The following GRM8 variants were observed in gnomAD, a reference collection of about 807,000 sequenced individuals.
GRM8 encodes metabotropic glutamate receptor 8.
Under a neutral mutation model 87.2 loss-of-function variants are expected in GRM8, and 47 were observed. The observed-to-expected ratio is 0.54, with a 90% CI of 0.43 to 0.69. The LOEUF (loss-of-function observed/expected upper bound fraction) is 0.69, where lower values mean the gene tolerates loss of function less well. Among genes scored for constraint, GRM8 ranks in the 30% least tolerant of loss-of-function variants. The pLI is 0.00. For missense variants in GRM8, 1,019 were observed against 1,139.2 expected, an observed-to-expected ratio of 0.89 and a Z score of 1.52; for synonymous variants, 396 against 404.5, an observed-to-expected ratio of 0.98 and a Z score of 0.25.
intron 9 of GRM8, among the ~76,000 whole-genome samples, chr7:126,472,632 A>C (rs1805412377): frequency 6.6e-6 from 1 of 152,232 alleles, no homozygotes; most frequent in African/African-American, 2.4e-5. Flanking sequence ...AATTCAAGCC[A>C]GCTGCAGAAG....
At chr7:126,913,117 C>A (rs774953776) in intron 3 of GRM8, among the ~76,000 whole-genome samples, 6 of 152,148 alleles carry the variant, frequency 3.9e-5, no homozygotes, top group Non-Finnish European at 7.3e-5. Flanking sequence ...GAAACAATGT[C>A]ACAGCACCAA....
chr7:127,106,715 G>A lies in GRM8; in HGVS notation c.511-3C>T. 6.3e-7 allele frequency: 1 copy of A among 1,594,076 alleles called. No homozygotes were observed. The highest frequency in any genetic ancestry group is 1.1e-5 in the South Asian group (1 of 90,680). ...GATGCATAGCTGATTTGAGGTATCT[G>A]CAAAACAAATGATGGGTCATTTCAA... On this transcript the variant is annotated splice_polypyrimidine_tract_variant and splice_region_variant and intron_variant, in intron 2 of 10. Coordinates refer to ENST00000339582, the MANE Select transcript of GRM8 (RefSeq NM_000845.3).
intron 9 of GRM8, among the ~76,000 whole-genome samples, chr7:126,513,929 G>A (rs922223317): frequency 1.3e-5 from 2 of 151,240 alleles, no homozygotes; most frequent in Non-Finnish European, 3.0e-5. Context: ...TTTTATCGGA[G>A]TTCTTTTTAG....
At chr7:127,018,414 C>CT (rs113155218) in intron 3 of GRM8, among the ~76,000 whole-genome samples, 15,574 of 133,134 alleles carry the variant, frequency 0.12, 1,085 homozygotes, top group East Asian at 0.24. Flanking sequence ...CTTAAAGTGG[C>CT]TTTTTTTTTT....
At chr7:126,983,902 C>T (rs1338510016) in intron 3 of GRM8, among the ~76,000 whole-genome samples, 1 of 152,172 alleles carries the variant, frequency 6.6e-6, no homozygotes, top group Non-Finnish European at 1.5e-5. Context: ...GTCATCAATA[C>T]CAGCTATGAC....
At chr7:126,733,455 T>C (rs6953879) in intron 7 of GRM8, among the ~76,000 whole-genome samples, 131,375 of 149,806 alleles carry the variant, frequency 0.88, 57,956 homozygotes, top group African/African-American at 0.97. Context: ...GTGGCTTGCT[T>C]GGAAAAAAAA....
At position 127,026,419 on chromosome 7, in the gene GRM8, G is replaced by A. The variant is rs193262519; in HGVS notation, c.727+80077C>T. Among the ~76,000 whole-genome samples, 1,008 of 152,152 alleles carry A rather than the reference G, an allele frequency of 6.6e-3. 5 individuals are homozygous for A. The highest frequency in any genetic ancestry group is 0.011 in the Non-Finnish European group (748 of 67,988). On this transcript the variant is annotated intron_variant, in intron 3 of 10. Transcript: ENST00000339582. ...TCTAGTTCTAGATCCCTGAGGAATCGCCACACTGTCTTCCACAATGGTTGA... is the reference window on the plus strand; with the variant it reads ...TCTAGTTCTAGATCCCTGAGGAATCACCACACTGTCTTCCACAATGGTTGA...
chr7:126,964,930 C>T (rs1204581), intron 3 of GRM8, among the ~76,000 whole-genome samples: 64,296 of 151,976 alleles, frequency 0.42, 13,856 homozygotes, highest in East Asian at 0.66. Flanking sequence ...CAATGATAAA[C>T]TGGATTAAGA....
chr7:126,658,832 A>T (rs537979957), intron 7 of GRM8, among the ~76,000 whole-genome samples: 199 of 152,094 alleles, frequency 1.3e-3, no homozygotes, highest in Middle Eastern at 3.4e-3. Context: ...TGACAGATGA[A>T]AAAACGTACA....
At chr7:126,553,202 T>C (rs1171197335) in intron 8 of GRM8, among the ~76,000 whole-genome samples, 1 of 152,174 alleles carries the variant, frequency 6.6e-6, no homozygotes, top group Admixed American at 6.5e-5. Context: ...GATTCTATTT[T>C]CTATTTCCCA....
intron 7 of GRM8, among the ~76,000 whole-genome samples, chr7:126,680,113 G>A (rs770117652): frequency 5.9e-5 from 9 of 151,924 alleles, no homozygotes; most frequent in South Asian, 2.1e-4. Context: ...AGTGAGATGC[G>A]CAAATGGAAC....
At chr7:127,181,187 C>G (rs1587215383) in intron 2 of GRM8, among the ~76,000 whole-genome samples, 1 of 151,974 alleles carries the variant, frequency 6.6e-6, no homozygotes, top group South Asian at 2.1e-4. Context: ...AGTAGCTCTT[C>G]TATACACCAA....
intron 3 of GRM8, among the ~76,000 whole-genome samples, chr7:127,046,371 C>CA (rs900988025): frequency 6.8e-5 from 10 of 148,090 alleles, no homozygotes; most frequent in Admixed American, 5.4e-4. Context: ...GACTCTGTCT[C>CA]AAAAAAAATA....
intron 2 of GRM8, among the ~76,000 whole-genome samples, chr7:127,157,628 C>T (rs929695854): frequency 1.3e-5 from 2 of 151,978 alleles, no homozygotes; most frequent in Admixed American, 6.6e-5. Flanking sequence ...CACAGCCAAC[C>T]CATTTTATCA....
At chr7:127,092,011 C>T (rs1824179120) in intron 3 of GRM8, among the ~76,000 whole-genome samples, 1 of 100,060 alleles carries the variant, frequency 1.0e-5, no homozygotes, top group Non-Finnish European at 2.1e-5. Context: ...TGATGACCCC[C>T]CCCACCATCC....
intron 3 of GRM8, among the ~76,000 whole-genome samples, chr7:126,970,828 G>A (rs1166986845): frequency 6.6e-6 from 1 of 151,982 alleles, no homozygotes; most frequent in Non-Finnish European, 1.5e-5. Context: ...ATAACATAGG[G>A]ACCACTGTAG....
At chr7:126,902,393 G>T in intron 6 of GRM8, 149 bp downstream of exon 6, 1 of 633,990 alleles carries the variant, frequency 1.6e-6, no homozygotes, top group Non-Finnish European at 2.6e-6. Context: ...AATGATCAGG[G>T]TATGCTCAGC....
rs767199883 is a variant in GRM8 at position 126,533,005 on chromosome 7, T to C, written c.2377A>G (p.Ile793Val). ...AAGATGGGGATGAAAGCTAACCAAA[T>C]GATGCAGGTGGTATACATGGTAAAT... is the stretch of plus-strand genomic sequence containing the variant. ...IGFTMYTTCIIWLAFIPIFFG... is the reference protein window; with the variant it reads ...IGFTMYTTCIVWLAFIPIFFG... Residue 793 changes from isoleucine (I) to valine (V), a missense_variant, in exon 9 of 11, where the codon ATT becomes GTT. Transcript: ENST00000339582. 3.7e-6 allele frequency: 6 copies of C among 1,613,416 alleles called. No homozygotes were observed. Among genetic ancestry groups the C allele is most frequent in the Non-Finnish European group, 4.2e-6 (5 of 1,179,754 alleles).
intron 3 of GRM8, among the ~76,000 whole-genome samples, chr7:126,989,481 T>G (rs2131932865): frequency 6.6e-6 from 1 of 152,344 alleles, no homozygotes; most frequent in Admixed American, 6.5e-5. Flanking sequence ...CTAATCACAG[T>G]GTCCTGTACC....
Sources: gnomAD v4.1 joint callset for allele counts (sites outside exome capture counted in the v4.1 genomes callset) on GRCh38, gnomAD v4.1.1 for gene constraint, MANE v1.5 for transcripts, NCBI Gene and HGNC (gene_info 2026-07-23, HGNC 2026-07-21) for gene names.